CALB2: variants seen among roughly 807,000 people sequenced by gnomAD.
The protein encoded by CALB2 is calbindin 2, also known as calretinin.
Under a neutral mutation model 45.9 loss-of-function variants are expected in CALB2, and 34 were observed. The ratio of observed to expected loss-of-function variants is 0.74; its 90% CI spans 0.56 to 0.99. The LOEUF (loss-of-function observed/expected upper bound fraction) is 0.99, where lower values mean the gene tolerates loss of function less well. CALB2 is among the 50% of genes least tolerant of loss of function. The pLI, the probability that CALB2 is intolerant of heterozygous loss-of-function variation, is 0.00. For synonymous variants in CALB2, 142 were observed against 129.6 expected (o/e 1.10, Z -0.65); for missense variants, 344 against 339.3 (o/e 1.01, Z -0.11).
rs556623902 is a variant in CALB2, at chr16:71,388,064, T to C, written c.700-1685T>C. ...GATATTCATGATTAGATTACAGATATTCATGAGCATGACTGTACCTCAGTT... is the reference window on the plus strand; with the variant it reads ...GATATTCATGATTAGATTACAGATACTCATGAGCATGACTGTACCTCAGTT... On this transcript the variant is annotated intron_variant, in intron 10 of 10. Transcript: ENST00000302628. Among the ~76,000 whole-genome samples, 3 of 152,258 alleles carry C rather than the reference T, an allele frequency of 2.0e-5. No homozygotes were observed. In the East Asian group the frequency reaches 5.8e-4, roughly 29 times the overall value.
chr16:71,379,605 C>A (rs1006870123), intron 4 of CALB2, among the ~76,000 whole-genome samples: 1 of 152,192 alleles, frequency 6.6e-6, no homozygotes, highest in Admixed American at 6.5e-5. Flanking sequence ...TCAACCCATA[C>A]CCACCTCACG....
chr16:71,384,259 G>C (rs1489442569), intron 7 of CALB2, 80 bp from the exon 8 acceptor site: 2 of 1,206,246 alleles, frequency 1.7e-6, no homozygotes, highest in Non-Finnish European at 2.5e-6. Context: ...GTAACTGCAG[G>C]CACCGCCTCT....
rs2042560843 is a variant in CALB2 at position 71,385,576 on chromosome 16, G to A, written c.628-1G>A. ...TGGGTTGACTCTGCTCCCATCCCCA[G>A]GATAGAAGCGGCTACATTGACGAGC... On this transcript the variant is annotated splice_acceptor_variant, in intron 9 of 10. Transcript: ENST00000302628. LOFTEE classifies it high-confidence loss of function. The A allele has an allele frequency of 1.2e-6, 2 of 1,613,950 alleles. No individual in the cohort carries two copies. The highest frequency in any genetic ancestry group is 1.3e-5 in the African/African-American group (1 of 74,894).
At chr16:71,360,785 C>T (rs1160121119) in intron 1 of CALB2, among the ~76,000 whole-genome samples, 1 of 152,168 alleles carries the variant, frequency 6.6e-6, no homozygotes, top group Non-Finnish European at 1.5e-5. Flanking sequence ...GACCATGACT[C>T]CCCTTATACA....
intron 4 of CALB2, among the ~76,000 whole-genome samples, 185 bp downstream of exon 4, chr16:71,377,932 C>T (rs1050126428): frequency 1.3e-5 from 2 of 152,164 alleles, no homozygotes; most frequent in Admixed American, 1.3e-4. Context: ...TGTTAGAAAA[C>T]AGAAAGGGGC....
intron 2 of CALB2, among the ~76,000 whole-genome samples, chr16:71,373,993 G>A (rs1451661664): frequency 6.6e-6 from 1 of 152,206 alleles, no homozygotes; most frequent in African/African-American, 2.4e-5. Flanking sequence ...TCAGCTGAGT[G>A]AGGCAGAAAC....
At chr16:71,365,444 T>G (rs1314078198) in intron 1 of CALB2, among the ~76,000 whole-genome samples, 1 of 152,172 alleles carries the variant, frequency 6.6e-6, no homozygotes, top group Non-Finnish European at 1.5e-5. Context: ...GATTCTGTAG[T>G]CCTTAGAATT....
chr16:71,389,653 A>C lies in CALB2; in HGVS notation c.700-96A>C, dbSNP rs562061599. The stretch of plus-strand genomic sequence containing the variant: ...ACTTATCCTGGGATGAGATGAGAGA[A>C]AGGTGTGGGTGTTTGTGTTTGTGAA... On this transcript the variant is annotated intron_variant, in intron 10 of 10. Coordinates refer to ENST00000302628, the MANE Select transcript of CALB2 (RefSeq NM_001740.5). The C allele has an allele frequency of 1.8e-5, 15 of 846,856 alleles. No individual in the cohort carries two copies. The Admixed American group carries it at 1.9e-4, about 11-fold the overall frequency. The allele number at this position is 846,856 out of a possible 1,614,324, so 52.5% of individuals were successfully genotyped here. A position where few individuals can be genotyped will look rare whatever the true frequency, so the allele number is the denominator to read the frequency against.
chr16:71,389,886 C>T lies in CALB2; in HGVS notation c.*21C>T. On this transcript the variant is annotated 3_prime_UTR_variant, in exon 11 of 11. Transcript: ENST00000302628. ...TGTAAAGTGGGGACGGGGGCTGCTT[C>T]TCCACCTCCCCCAAACCCTGCTTCT... 6.5e-7 allele frequency: 1 copy of T among 1,544,816 alleles called. No homozygotes were observed. The highest frequency in any genetic ancestry group is 1.1e-5 in the South Asian group (1 of 89,606).
chr16:71,383,545 G>T (rs1199978745), intron 6 of CALB2, 101 bp downstream of exon 6: 3 of 1,063,108 alleles, frequency 2.8e-6, no homozygotes, highest in Non-Finnish European at 4.2e-6. Context: ...GATTCTTCAG[G>T]CCCAAGGGAA....
chr16:71,384,509 C>CCACACACACAACACACACAGAT (rs2042542052), intron 8 of CALB2, 131 bp downstream of exon 8: 12 of 776,846 alleles, frequency 1.5e-5, no homozygotes, highest in Non-Finnish European at 2.3e-5. Flanking sequence ...ACAAAACACA[C>CCACACACACAACACACACAGAT]CACACACACA....
intron 1 of CALB2, among the ~76,000 whole-genome samples, chr16:71,364,584 A>G (rs1044548316): frequency 5.9e-5 from 9 of 151,848 alleles, no homozygotes; most frequent in African/African-American, 2.2e-4. Flanking sequence ...GCTCTTCACT[A>G]TCTCCCCTCT....
intron 9 of CALB2, 89 bp downstream of exon 9, chr16:71,384,925 T>C: frequency 8.8e-7 from 1 of 1,132,466 alleles, no homozygotes; most frequent in Non-Finnish European, 1.3e-6. Context: ...AAGAGACAGC[T>C]TTCCAGGGGT....
chr16:71,383,154 T>G (rs995048262), intron 5 of CALB2, among the ~76,000 whole-genome samples: 1 of 152,138 alleles, frequency 6.6e-6, no homozygotes, highest in Non-Finnish European at 1.5e-5. Flanking sequence ...CTCTAGCGCC[T>G]ATTCTGTGAG....
At chr16:71,385,916 G>A (rs547153270) in intron 10 of CALB2, among the ~76,000 whole-genome samples, 2 of 152,100 alleles carry the variant, frequency 1.3e-5, no homozygotes, top group Non-Finnish European at 2.9e-5. Flanking sequence ...ACAGTCCAGT[G>A]GCATTGAACA....
At chr16:71,374,522 G>T (rs1055689943) in intron 2 of CALB2, among the ~76,000 whole-genome samples, 3 of 152,168 alleles carry the variant, frequency 2.0e-5, no homozygotes, top group Non-Finnish European at 2.9e-5. Flanking sequence ...GCATGGCCAC[G>T]TGTCCTTTGA....
At chr16:71,384,607 C>T (rs1055176876) in intron 8 of CALB2, among the ~76,000 whole-genome samples, 176 bp from the exon 9 acceptor site, 30 of 18,424 alleles carry the variant, frequency 1.6e-3, no homozygotes, top group Non-Finnish European at 7.2e-4. Flanking sequence ...ACATATCACA[C>T]GCACACACCC....
intron 7 of CALB2, 21 bp downstream of exon 7, chr16:71,384,046 G>T (rs771798242): frequency 6.2e-7 from 1 of 1,612,132 alleles, no homozygotes; most frequent in Non-Finnish European, 8.5e-7. Flanking sequence ...CACCCCCGGG[G>T]TCACTGATAC....
intron 1 of CALB2, among the ~76,000 whole-genome samples, chr16:71,368,555 G>A (rs1176290252): frequency 6.6e-6 from 1 of 152,168 alleles, no homozygotes; most frequent in African/African-American, 2.4e-5. Flanking sequence ...GAATGAATGA[G>A]TGAATTAAGC....
Sources: gnomAD v4.1 joint callset for allele counts (sites outside exome capture counted in the v4.1 genomes callset) on GRCh38, gnomAD v4.1.1 for gene constraint, MANE v1.5 for transcripts, NCBI Gene and HGNC (gene_info 2026-07-23, HGNC 2026-07-21) for gene names.